Variants in KIF25 observed in about 807,000 individuals in gnomAD.
The protein encoded by KIF25 is kinesin-like protein KIF25.
Under a neutral mutation model 32.9 loss-of-function variants are expected in KIF25, and 19 were observed. The ratio of observed to expected loss-of-function variants is 0.58; its 90% CI spans 0.40 to 0.85. KIF25 has a LOEUF of 0.85. Among genes scored for constraint, KIF25 ranks in the 40% least tolerant of loss-of-function variants. The pLI, the probability that KIF25 is intolerant of heterozygous loss-of-function variation, is 0.00. For missense variants in KIF25, 485 were observed against 507.0 expected, an observed-to-expected ratio of 0.96 and a Z score of 0.42; for synonymous variants, 225 against 213.7, an observed-to-expected ratio of 1.05 and a Z score of -0.46.
At chr6:168,040,428 T>G (rs1249744305) in intron 10 of KIF25, among the ~76,000 whole-genome samples, 2 of 152,090 alleles carry the variant, frequency 1.3e-5, no homozygotes, top group African/African-American at 4.8e-5. Flanking sequence ...TAGCTGAGTA[T>G]GGTGGTGCAA....
intron 5 of KIF25, among the ~76,000 whole-genome samples, chr6:168,027,983 T>A (rs1434342969): frequency 6.6e-6 from 1 of 152,068 alleles, no homozygotes; most frequent in Non-Finnish European, 1.5e-5. Context: ...CACACGAACA[T>A]GTTTACATGA....
chr6:168,039,089 ATATCT>A (rs1350786299), intron 9 of KIF25, among the ~76,000 whole-genome samples: 1 of 152,174 alleles, frequency 6.6e-6, no homozygotes, highest in Non-Finnish European at 1.5e-5. Flanking sequence ...CATGTCATTA[ATATCT>A]TAAAGCTGTT....
chr6:168,036,925 G>A (rs1799033232), intron 8 of KIF25, among the ~76,000 whole-genome samples: 1 of 152,200 alleles, frequency 6.6e-6, no homozygotes, highest in African/African-American at 2.4e-5. Flanking sequence ...AGCCTGGTGT[G>A]GTGGTGCATG....
intron 4 of KIF25, among the ~76,000 whole-genome samples, chr6:168,017,718 C>T (rs553553761): frequency 2.0e-5 from 3 of 152,048 alleles, no homozygotes; most frequent in African/African-American, 7.2e-5. Context: ...TTATGGGGGT[C>T]GGCAAACCTT....
At chr6:168,001,682 G>A (rs1873332) in intron 2 of KIF25, among the ~76,000 whole-genome samples, 24,589 of 93,944 alleles carry the variant, frequency 0.26, 4,626 homozygotes, top group Non-Finnish European at 0.3. Flanking sequence ...CACCTGAGGC[G>A]TGGCCTCGGG....
At chr6:168,000,275 C>A (rs866622237) in intron 2 of KIF25, among the ~76,000 whole-genome samples, 3 of 108,760 alleles carry the variant, frequency 2.8e-5, no homozygotes, top group African/African-American at 1.1e-4. Flanking sequence ...GCCCTCCCTC[C>A]ATAAACCTGC....
Position 168,042,663 on chromosome 6 carries a change from G to T in KIF25, c.932G>T (p.Gly311Val). ...CTGGGGGCTTTGTTGGAGCACCGTGGCCATGCCCCGTACCGGAACAGCAGG... is the reference window on the plus strand; with the variant it reads ...CTGGGGGCTTTGTTGGAGCACCGTGTCCATGCCCCGTACCGGAACAGCAGG... ...GVLGALLEHR[G>V]HAPYRNSRLT... Residue 311 changes from glycine (G) to valine (V), a missense_variant, in exon 12 of 13, where the codon GGC (glycine) becomes GTC (valine). By Grantham distance (109) the Gly-to-Val change is moderately radical. This residue lies in a region of KIF25 where 480 missense variants were observed against 470.3 expected (regional missense o/e 1.02). Coordinates refer to ENST00000643607, the MANE Select transcript of KIF25 (RefSeq NM_030615.4). 5 of 1,613,602 alleles carry T rather than the reference G, an allele frequency of 3.1e-6. No individual in the cohort carries two copies. The highest frequency in any genetic ancestry group is 4.2e-6 in the Non-Finnish European group (5 of 1,180,032).
rs567020352 is a variant in KIF25, at chr6:168,007,336, G to T, written c.-163+3633G>T. On this transcript the variant is annotated intron_variant, in intron 4 of 12. Coordinates refer to ENST00000643607, the MANE Select transcript of KIF25 (RefSeq NM_030615.4). ...CTGAGGTAGGAGATCGCTTGAATCC[G>T]GGAGGCAGAGGCTGCAGTGAGCTGA... 3.2e-4 allele frequency among the ~76,000 whole-genome samples: 49 copies of T among 152,202 alleles called. 1 individual carries two copies. The highest frequency in any genetic ancestry group is 1.1e-3 in the African/African-American group (44 of 41,526).
intron 4 of KIF25, among the ~76,000 whole-genome samples, chr6:168,016,346 T>A (rs934792268): frequency 6.6e-6 from 1 of 152,238 alleles, no homozygotes; most frequent in Non-Finnish European, 1.5e-5. Flanking sequence ...AGACATAAGC[T>A]TCTTCTGTGA....
At chr6:168,015,977 G>A (rs1056015811) in intron 4 of KIF25, among the ~76,000 whole-genome samples, 1 of 152,176 alleles carries the variant, frequency 6.6e-6, no homozygotes, top group African/African-American at 2.4e-5. Flanking sequence ...TTTGAAGACA[G>A]CAGTAAAACA....
chr6:167,998,927 C>G (rs950797778), intron 1 of KIF25, 57 bp downstream of exon 1: 2 of 152,208 alleles, frequency 1.3e-5, no homozygotes, highest in Non-Finnish European at 2.9e-5. Context: ...TGGTGGGCAC[C>G]TGTCATCCCA....
At chr6:168,041,910 C>A in intron 10 of KIF25, 59 bp from the exon 11 acceptor site, 1 of 1,513,432 alleles carries the variant, frequency 6.6e-7, no homozygotes, top group Non-Finnish European at 8.9e-7. Flanking sequence ...TGAGGCAAAG[C>A]ACAGCCTCAT....
chr6:168,024,423 CTTTTTTTTTTTTT>C (rs56243912), intron 5 of KIF25, among the ~76,000 whole-genome samples: 13 of 61,996 alleles, frequency 2.1e-4, no homozygotes, highest in South Asian at 9.5e-4. Flanking sequence ...AAACCTCTCT[CTTTTTTTTTTTTT>C]TTTTTTTTTT....
At chr6:168,031,892 G>A (rs1044177406) in intron 7 of KIF25, among the ~76,000 whole-genome samples, 2 of 152,198 alleles carry the variant, frequency 1.3e-5, no homozygotes, top group Admixed American at 1.3e-4. Flanking sequence ...CGTGGCCCAT[G>A]ACACAGCCCA....
At chr6:168,006,821 T>C (rs1798585610) in intron 4 of KIF25, among the ~76,000 whole-genome samples, 1 of 152,218 alleles carries the variant, frequency 6.6e-6, no homozygotes, top group Non-Finnish European at 1.5e-5. Context: ...TGGTTACGTA[T>C]TGTAAACTTT....
chr6:168,039,299 A>G (rs1799081642), intron 9 of KIF25, among the ~76,000 whole-genome samples: 7 of 152,238 alleles, frequency 4.6e-5, no homozygotes, highest in Admixed American at 4.6e-4. Flanking sequence ...ACTCATCCAC[A>G]TTTGTAAATA....
At chr6:168,014,596 G>T (rs1437253711) in intron 4 of KIF25, among the ~76,000 whole-genome samples, 1 of 152,182 alleles carries the variant, frequency 6.6e-6, no homozygotes, top group East Asian at 1.9e-4. Context: ...CCCACGTTAT[G>T]TTTTTATTTC....
intron 4 of KIF25, among the ~76,000 whole-genome samples, chr6:168,008,300 A>G (rs1798604531): frequency 6.6e-6 from 1 of 152,136 alleles, no homozygotes; most frequent in Non-Finnish European, 1.5e-5. Flanking sequence ...ATGGATTTCC[A>G]GTTTTCCTAG....
At chr6:168,031,447 C>A (rs901979818) in intron 7 of KIF25, among the ~76,000 whole-genome samples, 8 of 152,226 alleles carry the variant, frequency 5.3e-5, no homozygotes, top group Non-Finnish European at 1.0e-4. Context: ...TTCTGCACAG[C>A]CAACCTCAAG....
Sources: gnomAD v4.1 joint callset for allele counts (sites outside exome capture counted in the v4.1 genomes callset) on GRCh38, gnomAD v4.1.1 for gene constraint, gnomAD v4.1.1 regional missense constraint, MANE v1.5 for transcripts, NCBI Gene and HGNC (gene_info 2026-07-23, HGNC 2026-07-21) for gene names.